The following PRKAR1B variants were observed in gnomAD, a reference collection of about 807,000 sequenced individuals.
PRKAR1B encodes protein kinase cAMP-dependent type I regulatory subunit beta.
PRKAR1B carries 22 observed loss-of-function variants against 46.5 expected under a neutral mutation model. The observed-to-expected ratio is 0.47, with a 90% CI of 0.34 to 0.68. The LOEUF is 0.68. Ranked by LOEUF, PRKAR1B falls within the 30% of genes least tolerant of loss-of-function variation. The pLI is 0.01. For missense variants in PRKAR1B, 445 were observed against 535.6 expected (o/e 0.83, Z 1.67); for synonymous variants, 259 against 217.7 (o/e 1.19, Z -1.67).
At chr7:694,400 G>A (rs1562346467) in intron 2 of PRKAR1B, among the ~76,000 whole-genome samples, 1 of 151,548 alleles carries the variant, frequency 6.6e-6, no homozygotes, top group African/African-American at 2.4e-5. Flanking sequence ...AAGACATCAG[G>A]TCTCGTCTGG....
In PRKAR1B at chr7:666,358, G is replaced by A. The variant is rs149931518; in HGVS notation, c.440+10871C>T. On this transcript the variant is annotated intron_variant, in intron 4 of 10. Transcript: ENST00000537384. This position sits in a 1 kb window ranked among gnomAD's most constrained non-coding sequence, Gnocchi z 4.9. ...CACATCAGAGAGCTCCGGAGCACGC[G>A]GGGCTGCTTCCTGAGGCTGCTGAGG... Among the ~76,000 whole-genome samples, 188 of 152,148 alleles carry A rather than the reference G, an allele frequency of 1.2e-3. No individual in the cohort carries two copies. The highest frequency in any genetic ancestry group is 2.5e-3 in the African/African-American group (105 of 41,476).
intron 9 of PRKAR1B, chr7:565,353 C>T (rs10245407): frequency 0.21 from 32,666 of 152,172 alleles, 3,642 homozygotes; most frequent in Non-Finnish European, 0.23. Flanking sequence ...CAAAGGAGAG[C>T]AGGTGACCTG....
intron 9 of PRKAR1B, among the ~76,000 whole-genome samples, chr7:572,945 G>A (rs148246645): frequency 0.018 from 2,768 of 152,324 alleles, 71 homozygotes; most frequent in African/African-American, 0.053. Flanking sequence ...TCTCCTCCAC[G>A]CGCTGCTTCA....
intron 1 of PRKAR1B, among the ~76,000 whole-genome samples, chr7:713,411 C>T (rs547870704): frequency 6.6e-6 from 1 of 152,160 alleles, no homozygotes; most frequent in African/African-American, 2.4e-5. Context: ...GTTGCCTACT[C>T]ACCTGTCTCC....
chr7:593,246 G>T lies in PRKAR1B; in HGVS notation c.708+2900C>A, dbSNP rs999425160. On this transcript the variant is annotated intron_variant, in intron 7 of 10. Coordinates refer to ENST00000537384, the MANE Select transcript of PRKAR1B (RefSeq NM_001164760.2). The surrounding 1 kb of genome is among the most constrained non-coding windows in gnomAD (Gnocchi z 6.1). ...AAACTGGAGTCAGCGTTCACATTTTGGGCGGTGGTCTACTTCCTGGAGACA... is the reference window on the plus strand; with the variant it reads ...AAACTGGAGTCAGCGTTCACATTTTTGGCGGTGGTCTACTTCCTGGAGACA... 6.6e-6 allele frequency among the ~76,000 whole-genome samples: 1 copy of T among 152,076 alleles called. No individual in the cohort carries two copies. Among genetic ancestry groups the T allele is most frequent in the Non-Finnish European group, 1.5e-5 (1 of 68,008 alleles).
At chr7:610,727 T>C (rs1782434056) in intron 4 of PRKAR1B, among the ~76,000 whole-genome samples, 1 of 152,214 alleles carries the variant, frequency 6.6e-6, no homozygotes, top group South Asian at 2.1e-4. Flanking sequence ...TGGCTTCCTC[T>C]TTCTCTCAGC....
chr7:636,444 T>TCACGTCCTCCACCGGACTGCGCCCA (rs1784110563), intron 4 of PRKAR1B, among the ~76,000 whole-genome samples: 1 of 36,368 alleles, frequency 2.7e-5, no homozygotes, highest in Non-Finnish European at 6.7e-5. Flanking sequence ...GGCCGCGCCC[T>TCACGTCCTCCACCGGACTGCGCCCA]CACGTCCTCC....
intron 9 of PRKAR1B, chr7:565,638 G>A (rs1336685037): frequency 1.3e-5 from 2 of 152,230 alleles, no homozygotes; most frequent in African/African-American, 4.8e-5. Context: ...TATCTTGCCT[G>A]AATTGCTATT....
At chr7:719,713 G>T (rs180835183) in intron 1 of PRKAR1B, among the ~76,000 whole-genome samples, 2 of 152,114 alleles carry the variant, frequency 1.3e-5, no homozygotes, top group African/African-American at 4.8e-5. Flanking sequence ...TATTCATGCA[G>T]TTGCCACCAC....
chr7:565,715 C>T (rs760348420), intron 9 of PRKAR1B: 7 of 152,176 alleles, frequency 4.6e-5, no homozygotes, highest in African/African-American at 2.4e-5. Flanking sequence ...GCACACGGGA[C>T]GTTTTCTGGG....
chr7:710,725 AGCCTCCAC>A (rs905884579), intron 2 of PRKAR1B, among the ~76,000 whole-genome samples: 3 of 143,480 alleles, frequency 2.1e-5, no homozygotes, highest in African/African-American at 7.9e-5. Flanking sequence ...AGCTCACTGC[AGCCTCCAC>A]CTCCCGGTTC....
chr7:695,764 T>G (rs969383979), intron 2 of PRKAR1B, among the ~76,000 whole-genome samples: 2 of 150,374 alleles, frequency 1.3e-5, no homozygotes, highest in Non-Finnish European at 3.0e-5. Context: ...CCCGGGTTCA[T>G]GCCATTCTCC....
In PRKAR1B at chr7:691,489, C is replaced by T. The variant is rs765976447; in HGVS notation, c.178-10763G>A. ...TGAAGATGCAGGCAGGGCCCCCCAG[C>T]GCACCACAGCCATCCAGGGAGAGCA... On this transcript the variant is annotated intron_variant, in intron 2 of 10. Transcript: ENST00000537384. 2.8e-4 allele frequency: 359 copies of T among 1,304,128 alleles called. 1 individual carries two copies. The highest frequency in any genetic ancestry group is 3.3e-4 in the Non-Finnish European group (329 of 988,812). 80.8% of individuals were successfully genotyped at this position (1,304,128 alleles called of 1,614,324 possible).
chr7:584,407 C>T (rs1215158171), intron 8 of PRKAR1B, 101 bp downstream of exon 8: 2 of 991,828 alleles, frequency 2.0e-6, no homozygotes, highest in Non-Finnish European at 3.2e-6. Flanking sequence ...ATACCAACAA[C>T]ACTCAACTGC....
In PRKAR1B at chr7:587,885, C is replaced by A. The variant is rs190983994; in HGVS notation, c.709-3317G>T. Among the ~76,000 whole-genome samples, 204 of 152,344 alleles carry A rather than the reference C, an allele frequency of 1.3e-3. 3 individuals are homozygous for A. Among genetic ancestry groups the A allele is most frequent in the African/African-American group, 4.7e-3 (197 of 41,582 alleles). On this transcript the variant is annotated intron_variant, in intron 7 of 10. Coordinates refer to ENST00000537384, the MANE Select transcript of PRKAR1B (RefSeq NM_001164760.2). ...GGCACGTGATGTTAAACGCCTGTCC[C>A]TGGAAAACTATGACAAAAATGCAAG...
intron 7 of PRKAR1B, among the ~76,000 whole-genome samples, chr7:591,433 T>G (rs1780972018): frequency 1.4e-5 from 2 of 145,054 alleles, no homozygotes; most frequent in Non-Finnish European, 2.9e-5. Flanking sequence ...TAGAAGTGGC[T>G]TCTTAACACC....
At chr7:698,699 C>T (rs1008915902) in intron 2 of PRKAR1B, among the ~76,000 whole-genome samples, 2 of 151,906 alleles carry the variant, frequency 1.3e-5, no homozygotes, top group Admixed American at 6.6e-5. Flanking sequence ...TCCAGGTGTG[C>T]GCACAGCTAT....
Position 588,595 on chromosome 7 carries a change from C to CAATGGTGAT in PRKAR1B, c.709-4028_709-4027insATCACCATT, listed in dbSNP as rs1780752319. Among the ~76,000 whole-genome samples, 9 of 24,056 alleles carry CAATGGTGAT rather than the reference C, an allele frequency of 3.7e-4. 1 individual carries two copies. The highest frequency in any genetic ancestry group is 1.4e-3 in the Admixed American group (3 of 2,092). 15.8% of individuals were successfully genotyped at this position (24,056 alleles called of 152,430 possible). On this transcript the variant is annotated intron_variant, in intron 7 of 10. Coordinates refer to ENST00000537384, the MANE Select transcript of PRKAR1B (RefSeq NM_001164760.2). ...GTGAGGATAGTGACAGTGGTGATGACGGTGGTGATGGTGATGGTGGTGATG... is the reference window on the plus strand; with the variant it reads ...GTGAGGATAGTGACAGTGGTGATGACAATGGTGATGGTGGTGATGGTGATGGTGGTGATG...
At chr7:691,778 G>A (rs766900662) in intron 2 of PRKAR1B, 191 of 1,194,762 alleles carry the variant, frequency 1.6e-4, no homozygotes, top group Non-Finnish European at 1.9e-4. Context: ...TACAAACACC[G>A]GCAATCACCT....
Sources: allele counts gnomAD v4.1 joint callset (sites outside exome capture counted in the v4.1 genomes callset), GRCh38; gene constraint gnomAD v4.1.1; non-coding constraint Gnocchi (gnomAD v3.1); transcripts MANE v1.5; gene names NCBI Gene and HGNC (gene_info 2026-07-23, HGNC 2026-07-21).